GADL1: variants seen among roughly 807,000 people sequenced by gnomAD.
GADL1 encodes acidic amino acid decarboxylase GADL1.
A neutral mutation model predicts 69.5 loss-of-function variants in GADL1; 71 were observed. The observed-to-expected ratio is 1.02, with a 90% CI of 0.84 to 1.25. The LOEUF (loss-of-function observed/expected upper bound fraction) is 1.25. Among genes scored for constraint, GADL1 ranks in the 50% most tolerant of loss-of-function variants. GADL1 has a pLI of 0.00. For missense variants in GADL1, 737 were observed against 631.8 expected, an observed-to-expected ratio of 1.17 and a Z score of -1.79; for synonymous variants, 254 against 214.4, an observed-to-expected ratio of 1.18 and a Z score of -1.62.
intron 14 of GADL1, among the ~76,000 whole-genome samples, chr3:30,750,184 T>C (rs1407794171): frequency 6.6e-6 from 1 of 152,184 alleles, no homozygotes; most frequent in Non-Finnish European, 1.5e-5. Context: ...TTTTAATGAA[T>C]GGGACAGAAG....
rs1197661430 is a variant in GADL1, at chr3:30,861,598, C to A, written c.205G>T (p.Glu69Ter). The change falls in exon 2 of 15, where the codon GAG becomes TAG. Residue 69 changes from glutamate to a stop codon, truncating the protein, a stop_gained. Transcript: ENST00000282538. LOFTEE classifies it high-confidence loss of function. ...EVVLKATDVN[E>*]KVCEWRPPEQ... ...TTACAGGTTTTAATTTTTACCTTCTCATTGACATCTGTAGCTTTCAAAACC... is the reference window on the plus strand; with the variant it reads ...TTACAGGTTTTAATTTTTACCTTCTAATTGACATCTGTAGCTTTCAAAACC... 7 of 1,542,754 alleles carry A rather than the reference C, an allele frequency of 4.5e-6. No individual in the cohort carries two copies. The East Asian group carries it at 1.2e-4, about 27-fold the overall frequency.
At chr3:30,825,043 C>A (rs903338301) in intron 11 of GADL1, among the ~76,000 whole-genome samples, 1 of 151,856 alleles carries the variant, frequency 6.6e-6, no homozygotes. Flanking sequence ...ATTAACAAAA[C>A]CCTCTAAATT....
Position 30,740,257 on chromosome 3 carries a change from T to C in GADL1, c.1393-11842A>G, listed in dbSNP as rs1454858301. Among the ~76,000 whole-genome samples the C allele has an allele frequency of 2.6e-5, 4 of 152,178 alleles. No individual in the cohort carries two copies. In the East Asian group the frequency reaches 7.7e-4, roughly 29 times the overall value. On this transcript the variant is annotated intron_variant, in intron 14 of 14. Coordinates refer to ENST00000282538, the MANE Select transcript of GADL1 (RefSeq NM_207359.3). ...TAAAAAGACAGAGTTTGAATTCGAC[T>C]GGTAATGTATTTTTGTTATTATTCA...
At chr3:30,826,770 A>G (rs888130279) in intron 11 of GADL1, among the ~76,000 whole-genome samples, 2 of 151,652 alleles carry the variant, frequency 1.3e-5, no homozygotes, top group African/African-American at 4.9e-5. Flanking sequence ...AATAAAAGAC[A>G]GCATCATTAG....
intron 11 of GADL1, among the ~76,000 whole-genome samples, chr3:30,813,763 G>A (rs1697404913): frequency 6.6e-6 from 1 of 152,138 alleles, no homozygotes; most frequent in South Asian, 2.1e-4. Context: ...AAGATTTGTG[G>A]GATATTACTG....
At chr3:30,779,666 G>A (rs957745070) in intron 13 of GADL1, among the ~76,000 whole-genome samples, 6 of 152,096 alleles carry the variant, frequency 3.9e-5, no homozygotes, top group Admixed American at 2.0e-4. Flanking sequence ...CATTTAATGT[G>A]AACACATTTT....
At chr3:30,770,177 C>T (rs1440439028) in intron 14 of GADL1, among the ~76,000 whole-genome samples, 8 of 152,086 alleles carry the variant, frequency 5.3e-5, no homozygotes, top group Non-Finnish European at 7.4e-5. Context: ...TGCTCAGGCT[C>T]CTCTCATTTA....
At chr3:30,870,347 G>C (rs1698463214) in intron 1 of GADL1, among the ~76,000 whole-genome samples, 1 of 151,778 alleles carries the variant, frequency 6.6e-6, no homozygotes. Context: ...GAAAGAGAAT[G>C]ATCCAGGAAG....
intron 14 of GADL1, among the ~76,000 whole-genome samples, chr3:30,770,478 G>A (rs1696391866): frequency 6.6e-6 from 1 of 152,240 alleles, no homozygotes; most frequent in African/African-American, 2.4e-5. Flanking sequence ...ATGTATGTGT[G>A]CAGAACAATA....
intron 1 of GADL1, among the ~76,000 whole-genome samples, chr3:30,884,507 C>T (rs1280110181): frequency 6.6e-6 from 1 of 152,034 alleles, no homozygotes; most frequent in East Asian, 1.9e-4. Context: ...CCAACCTCAA[C>T]CACTATAACT....
chr3:30,765,277 A>G (rs1404045595), intron 14 of GADL1, among the ~76,000 whole-genome samples: 2 of 148,916 alleles, frequency 1.3e-5, no homozygotes, highest in African/African-American at 5.0e-5. Context: ...ATCAAAAGCC[A>G]GATAAAAATA....
intron 12 of GADL1, among the ~76,000 whole-genome samples, chr3:30,791,952 G>C (rs1388362668): frequency 6.6e-6 from 1 of 152,154 alleles, no homozygotes; most frequent in African/African-American, 2.4e-5. Context: ...CTTCTGCCAT[G>C]ATTGTGAGGC....
At chr3:30,873,980 T>G (rs919777288) in intron 1 of GADL1, among the ~76,000 whole-genome samples, 2 of 151,950 alleles carry the variant, frequency 1.3e-5, no homozygotes, top group African/African-American at 2.4e-5. Context: ...AGAAGCTCAT[T>G]GGAATGGCAG....
intron 14 of GADL1, among the ~76,000 whole-genome samples, chr3:30,729,240 T>C (rs1163796570): frequency 6.6e-6 from 1 of 152,194 alleles, no homozygotes; most frequent in Non-Finnish European, 1.5e-5. Context: ...TAATCAGTAG[T>C]ATGGCCACCA....
chr3:30,873,539 T>C (rs899850289), intron 1 of GADL1, among the ~76,000 whole-genome samples: 2 of 151,822 alleles, frequency 1.3e-5, no homozygotes, highest in African/African-American at 4.8e-5. Flanking sequence ...TCAACCACAC[T>C]AAACTATTTG....
intron 11 of GADL1, among the ~76,000 whole-genome samples, chr3:30,813,419 GAC>G (rs1258461988): frequency 1.3e-5 from 2 of 152,146 alleles, no homozygotes; most frequent in African/African-American, 4.8e-5. Context: ...GGACAAAACA[GAC>G]ACAGAGTGAG....
intron 14 of GADL1, among the ~76,000 whole-genome samples, chr3:30,777,590 T>A (rs561034461): frequency 6.6e-6 from 1 of 152,296 alleles, no homozygotes; most frequent in South Asian, 2.1e-4. Context: ...GAGGAGTAGA[T>A]GAGACACAAG....
intron 14 of GADL1, among the ~76,000 whole-genome samples, chr3:30,775,056 G>A (rs765943450): frequency 6.6e-6 from 1 of 152,174 alleles, no homozygotes; most frequent in East Asian, 1.9e-4. Context: ...TACGGAGGGC[G>A]TCTTGAAAAA....
intron 12 of GADL1, chr3:30,800,668 G>T (rs1575211653): frequency 3.6e-6 from 2 of 559,254 alleles, no homozygotes; most frequent in Admixed American, 3.1e-5. Context: ...TGATAGGACT[G>T]CTCTGTTCAT....
Sources: allele counts gnomAD v4.1 joint callset (sites outside exome capture counted in the v4.1 genomes callset), GRCh38; gene constraint gnomAD v4.1.1; transcripts MANE v1.5; gene names NCBI Gene and HGNC (gene_info 2026-07-23, HGNC 2026-07-21).